Variants in SLC2A9 observed in about 807,000 individuals in gnomAD.
SLC2A9 encodes the protein solute carrier family 2, facilitated glucose transporter member 9.
SLC2A9 carries 39 observed loss-of-function variants against 50.6 expected under a neutral mutation model. The observed-to-expected ratio is 0.77, with a 90% CI of 0.60 to 1.01. The LOEUF (loss-of-function observed/expected upper bound fraction) is 1.01, where lower values mean the gene tolerates loss of function less well. Among genes scored for constraint, SLC2A9 ranks in the 50% least tolerant of loss-of-function variants. The pLI is 0.00. For missense variants in SLC2A9, 686 were observed against 677.6 expected, an observed-to-expected ratio of 1.01 and a Z score of -0.14; for synonymous variants, 324 against 276.9, an observed-to-expected ratio of 1.17 and a Z score of -1.69.
At chr4:10,029,221 G>A (rs908664291) in intron 1 of SLC2A9, 4 of 152,242 alleles carry the variant, frequency 2.6e-5, no homozygotes, top group African/African-American at 7.2e-5. Context: ...GTTGGCTGAC[G>A]AGGACATAGA....
chr4:9,808,964 C>A (rs1436363163), intron 3 of SLC2A9, among the ~76,000 whole-genome samples: 15 of 152,146 alleles, frequency 9.9e-5, no homozygotes, highest in Admixed American at 5.9e-4. Context: ...TCAGGATTTT[C>A]GCTGCAGCCC....
chr4:9,913,775 G>T (rs1742346785), intron 7 of SLC2A9, among the ~76,000 whole-genome samples: 1 of 152,204 alleles, frequency 6.6e-6, no homozygotes, highest in Non-Finnish European at 1.5e-5. Context: ...GCCTGTGGCT[G>T]GGTCTAGCAT....
downstream of SLC2A9, among the ~76,000 whole-genome samples, chr4:9,822,270 T>C (rs1235232267): frequency 6.6e-6 from 1 of 152,206 alleles, no homozygotes; most frequent in Non-Finnish European, 1.5e-5. Context: ...CTGTTTTTGA[T>C]ATATTTCCAT....
At chr4:9,982,647 C>G (rs1325339872) in intron 4 of SLC2A9, among the ~76,000 whole-genome samples, 1 of 152,220 alleles carries the variant, frequency 6.6e-6, no homozygotes, top group Non-Finnish European at 1.5e-5. Context: ...GTTGCCTCCA[C>G]TAGGAAAGGA....
Position 9,782,520 on chromosome 4 carries a change from C to A in SLC2A9, n.386-2455G>T, listed in dbSNP as rs1387130800. ...ATGGCCTTGGTCATGGTCGGCCTGG[C>A]ATGGACCTTGTCCATCCTCATCTCC... On this transcript the variant is annotated intron_variant and non_coding_transcript_variant, in intron 3 of 3. Transcript: ENST00000503803. 1.2e-5 allele frequency: 20 copies of A among 1,614,010 alleles called. No individual in the cohort carries two copies. The highest frequency in any genetic ancestry group is 1.7e-5 in the Non-Finnish European group (20 of 1,179,872).
At chr4:9,980,537 T>G in intron 5 of SLC2A9, 55 bp downstream of exon 5, 7 of 1,612,272 alleles carry the variant, frequency 4.3e-6, no homozygotes, top group Non-Finnish European at 5.9e-6. Flanking sequence ...GGCTCCTTCC[T>G]GCAGTGGTAA....
At chr4:9,880,299 GC>G (rs2109624846) in intron 10 of SLC2A9, 1 of 985,536 alleles carries the variant, frequency 1.0e-6, no homozygotes, top group African/African-American at 1.7e-5. Context: ...AGCCAGCGAG[GC>G]CCAGGTGCTG....
rs116006100 is a variant in SLC2A9, at chr4:9,842,224, A to G, written c.1292-7216T>C. Among the ~76,000 whole-genome samples, 389 of 152,270 alleles carry G rather than the reference A, an allele frequency of 2.6e-3. 1 individual carries two copies. Among genetic ancestry groups the G allele is most frequent in the Admixed American group, 4.0e-3 (61 of 15,296 alleles). The stretch of plus-strand genomic sequence containing the variant: ...CTATACATGACCATATTTACCTAAA[A>G]TCCCTTGATTATTAGCTTTTCAAAG... On this transcript the variant is annotated intron_variant, in intron 10 of 11. Coordinates refer to ENST00000264784, the MANE Select transcript of SLC2A9 (RefSeq NM_020041.3).
At position 9,873,465 on chromosome 4, in the gene SLC2A9, T is replaced by G. The variant is rs113332757; in HGVS notation, c.1291+14102A>C. On this transcript the variant is annotated intron_variant, in intron 10 of 11. Coordinates refer to ENST00000264784, the MANE Select transcript of SLC2A9 (RefSeq NM_020041.3). Reference sequence around the variant, plus strand: ...TTGAATCTGGGCGGGCTTTGTGACTTGCTTTGGCTGATAGAATGCAGCAGA... The same window carrying G: ...TTGAATCTGGGCGGGCTTTGTGACTGGCTTTGGCTGATAGAATGCAGCAGA... Among the ~76,000 whole-genome samples the G allele has an allele frequency of 5.6e-3, 859 of 152,324 alleles. 7 individuals carry two copies. The highest frequency in any genetic ancestry group is 0.019 in the African/African-American group (808 of 41,576).
At chr4:9,958,387 A>G (rs1266679850) in intron 5 of SLC2A9, among the ~76,000 whole-genome samples, 2 of 152,178 alleles carry the variant, frequency 1.3e-5, no homozygotes, top group African/African-American at 2.4e-5. Context: ...CAAACTAACA[A>G]AGGAACAGAA....
At chr4:9,780,841 C>G (rs572610908) in intron 3 of SLC2A9, among the ~76,000 whole-genome samples, 69 of 152,190 alleles carry the variant, frequency 4.5e-4, no homozygotes, top group African/African-American at 1.5e-3. Context: ...TTCTGTTAAA[C>G]ACTGAGCTAT....
downstream of SLC2A9, among the ~76,000 whole-genome samples, chr4:9,794,971 G>A (rs1286738995): frequency 6.6e-6 from 1 of 150,588 alleles, no homozygotes; most frequent in South Asian, 2.1e-4. Context: ...TTTGTGCTGG[G>A]CACTGTGCCA....
intron 9 of SLC2A9, among the ~76,000 whole-genome samples, chr4:9,889,409 G>C (rs1736932431): frequency 6.6e-6 from 1 of 152,172 alleles, no homozygotes; most frequent in Non-Finnish European, 1.5e-5. Context: ...TTAAACTTCG[G>C]ACACAAGTTT....
chr4:9,943,954 C>T (rs955309405), intron 5 of SLC2A9, among the ~76,000 whole-genome samples: 4 of 152,162 alleles, frequency 2.6e-5, no homozygotes, highest in South Asian at 4.1e-4. Context: ...GTGTGGCAGG[C>T]GATTCCTGTG....
chr4:9,816,537 C>A (rs1052198444), intron 3 of SLC2A9, among the ~76,000 whole-genome samples: 1 of 151,956 alleles, frequency 6.6e-6, no homozygotes, highest in African/African-American at 2.4e-5. Context: ...GTGTTCTCAC[C>A]ACACATAAAA....
At chr4:9,774,642 T>C (rs1188606494) in intron 1 of SLC2A9, among the ~76,000 whole-genome samples, 1 of 152,186 alleles carries the variant, frequency 6.6e-6, no homozygotes, top group Admixed American at 6.5e-5. Flanking sequence ...TTATTGACTT[T>C]TGTAACTGCA....
At chr4:9,981,064 T>A (rs1011706016) in intron 4 of SLC2A9, among the ~76,000 whole-genome samples, 2 of 151,772 alleles carry the variant, frequency 1.3e-5, no homozygotes, top group African/African-American at 4.8e-5. Flanking sequence ...GTGATGGTCA[T>A]GATGGTGATG....
At chr4:9,773,433 T>C (rs886471842) in intron 1 of SLC2A9, among the ~76,000 whole-genome samples, 3 of 152,244 alleles carry the variant, frequency 2.0e-5, no homozygotes, top group South Asian at 2.1e-4. Flanking sequence ...CCGATTTTCT[T>C]ATCAAGTTTT....
intron 1 of SLC2A9, among the ~76,000 whole-genome samples, chr4:10,033,005 G>A (rs1488181577): frequency 2.6e-5 from 4 of 152,180 alleles, no homozygotes; most frequent in African/African-American, 4.8e-5. Context: ...CTGCCGAGCT[G>A]TTCACTAAAC....
Sources: gnomAD v4.1 joint callset for allele counts (sites outside exome capture counted in the v4.1 genomes callset) on GRCh38, gnomAD v4.1.1 for gene constraint, MANE v1.5 for transcripts, NCBI Gene and HGNC (gene_info 2026-07-23, HGNC 2026-07-21) for gene names.